The following FEZ2 variants were observed in gnomAD, a reference collection of about 807,000 sequenced individuals.
FEZ2 encodes the protein fasciculation and elongation protein zeta-2.
Under a neutral mutation model 40.4 loss-of-function variants are expected in FEZ2, and 51 were observed. The ratio of observed to expected loss-of-function variants is 1.26; its 90% CI spans 1.01 to 1.59. The LOEUF is 1.59. Among genes scored for constraint, FEZ2 ranks in the 40% most tolerant of loss-of-function variants. The pLI is 0.00. For missense variants in FEZ2, 640 were observed against 438.3 expected (o/e 1.46, Z -4.11); for synonymous variants, 242 against 172.0 (o/e 1.41, Z -3.18).
intron 4 of FEZ2, among the ~76,000 whole-genome samples, chr2:36,580,219 T>G (rs1258456879): frequency 6.6e-6 from 1 of 152,216 alleles, no homozygotes; most frequent in South Asian, 2.1e-4. Context: ...AGGACTGTAT[T>G]TGGGAGTCAG....
At chr2:36,581,651 T>C (rs1001160767) in intron 3 of FEZ2, 8 of 480,998 alleles carry the variant, frequency 1.7e-5, no homozygotes, top group Admixed American at 7.3e-5. Context: ...CAAACCTAAA[T>C]AGAATTGGAT....
chr2:36,563,325 A>G (rs901085809), intron 5 of FEZ2, among the ~76,000 whole-genome samples: 2 of 152,204 alleles, frequency 1.3e-5, no homozygotes, highest in Non-Finnish European at 2.9e-5. Context: ...AGGTAAAGTA[A>G]GGAATGCAGC....
At chr2:36,563,576 T>A (rs1668151135) in intron 5 of FEZ2, among the ~76,000 whole-genome samples, 1 of 150,618 alleles carries the variant, frequency 6.6e-6, no homozygotes, top group South Asian at 2.1e-4. Flanking sequence ...TATCAAACGC[T>A]TCAGTTGCAA....
chr2:36,597,872 C>T lies in FEZ2; in HGVS notation c.266+5G>A. 2 of 1,357,056 alleles carry T rather than the reference C, an allele frequency of 1.5e-6. No individual in the cohort carries two copies. The highest frequency in any genetic ancestry group is 1.9e-6 in the Non-Finnish European group (2 of 1,059,998). 84.1% of individuals were successfully genotyped at this position (1,357,056 alleles called of 1,614,324 possible). The stretch of plus-strand genomic sequence containing the variant: ...GCCCACTCCCGGCCGGGGCCCCGCA[C>T]TCACTCGTCCCCCTGCAGGAGGCTG... On this transcript the variant is annotated splice_donor_5th_base_variant and intron_variant, in intron 1 of 7. Transcript: ENST00000405912.
chr2:36,577,577 C>A (rs566819959), intron 5 of FEZ2, among the ~76,000 whole-genome samples: 3 of 152,112 alleles, frequency 2.0e-5, no homozygotes, highest in Non-Finnish European at 4.4e-5. Flanking sequence ...AAAATAGATA[C>A]AAATGAACAT....
At chr2:36,560,012 C>G (rs1312985750) in intron 5 of FEZ2, among the ~76,000 whole-genome samples, 1 of 152,228 alleles carries the variant, frequency 6.6e-6, no homozygotes, top group Non-Finnish European at 1.5e-5. Context: ...AAACTTCCTA[C>G]AAGCTACATT....
Position 36,597,987 on chromosome 2 carries a change from G to A in FEZ2, c.156C>T (p.Cys52=), listed in dbSNP as rs1244956342. Residue 52 remains cysteine, a synonymous_variant, in exon 1 of 8, where the codon TGC becomes TGT. Coordinates refer to ENST00000405912, the MANE Select transcript of FEZ2 (RefSeq NM_005102.3). ...ACAGGCTCAGCTTCTCCTCCAAGCTGCAGGCCGGGGCCGGGAAACCGTCGG... is the reference window on the plus strand; with the variant it reads ...ACAGGCTCAGCTTCTCCTCCAAGCTACAGGCCGGGGCCGGGAAACCGTCGG... ...GGADGFPAPA[C]SLEEKLSLCF... The A allele has an allele frequency of 2.0e-6, 3 of 1,494,268 alleles. No homozygotes were observed. The highest frequency in any genetic ancestry group is 2.8e-5 in the East Asian group (1 of 35,198). 92.6% of individuals were successfully genotyped at this position (1,494,268 alleles called of 1,614,324 possible). A position where few individuals can be genotyped will look rare whatever the true frequency, so the allele number is the denominator to read the frequency against.
At chr2:36,555,093 ACTC>A (rs756763043) in intron 7 of FEZ2, among the ~76,000 whole-genome samples, 2 of 150,700 alleles carry the variant, frequency 1.3e-5, no homozygotes, top group Non-Finnish European at 3.0e-5. Context: ...TCAACCTCTC[ACTC>A]TTCTTTTGCC....
intron 3 of FEZ2, 139 bp downstream of exon 3, chr2:36,583,214 G>C (rs1668802724): frequency 3.6e-6 from 2 of 551,436 alleles, no homozygotes; most frequent in Admixed American, 3.3e-5. Flanking sequence ...CTGTGGAAGA[G>C]TTAACTATTA....
chr2:36,573,499 T>C (rs1371975308), intron 5 of FEZ2, among the ~76,000 whole-genome samples: 2 of 152,230 alleles, frequency 1.3e-5, no homozygotes, highest in Non-Finnish European at 2.9e-5. Flanking sequence ...ATAATTCAAA[T>C]ACTACAAATC....
intron 2 of FEZ2, among the ~76,000 whole-genome samples, chr2:36,589,111 CT>C (rs1396093101): frequency 6.6e-6 from 1 of 152,184 alleles, no homozygotes; most frequent in African/African-American, 2.4e-5. Flanking sequence ...AAAAAGGTAT[CT>C]TCAAACTTAC....
chr2:36,580,538 T>C (rs1389764536), intron 4 of FEZ2, among the ~76,000 whole-genome samples: 5 of 152,202 alleles, frequency 3.3e-5, no homozygotes, highest in Non-Finnish European at 5.9e-5. Flanking sequence ...TTCATGAAAA[T>C]CAACTGTAGA....
chr2:36,559,031 C>G (rs899898205), intron 5 of FEZ2: 1 of 152,164 alleles, frequency 6.6e-6, no homozygotes, highest in Non-Finnish European at 1.5e-5. Flanking sequence ...TAGCTTCTTT[C>G]AGAAGCTAAC....
At chr2:36,570,919 C>T (rs1668390955) in intron 5 of FEZ2, among the ~76,000 whole-genome samples, 1 of 152,180 alleles carries the variant, frequency 6.6e-6, no homozygotes, top group South Asian at 2.1e-4. Context: ...AATTTCCTGG[C>T]ACATTACAGC....
At chr2:36,596,656 C>A (rs951959000) in intron 1 of FEZ2, among the ~76,000 whole-genome samples, 4 of 152,082 alleles carry the variant, frequency 2.6e-5, no homozygotes, top group African/African-American at 7.2e-5. Context: ...TTTGTAAAGA[C>A]CAGATTTCAC....
intron 2 of FEZ2, among the ~76,000 whole-genome samples, chr2:36,587,989 G>A (rs1485571135): frequency 2.0e-5 from 3 of 151,872 alleles, no homozygotes; most frequent in East Asian, 1.9e-4. Flanking sequence ...GAATGATCAC[G>A]TGTTCACTTT....
At chr2:36,559,934 C>T (rs1330743859) in intron 5 of FEZ2, among the ~76,000 whole-genome samples, 2 of 152,224 alleles carry the variant, frequency 1.3e-5, no homozygotes, top group Non-Finnish European at 2.9e-5. Flanking sequence ...GAATGATCTC[C>T]CTTCCGGAGA....
intron 5 of FEZ2, among the ~76,000 whole-genome samples, chr2:36,571,417 T>C (rs1668406391): frequency 6.6e-6 from 1 of 152,110 alleles, no homozygotes; most frequent in African/African-American, 2.4e-5. Context: ...TCCCAGCACT[T>C]TGGGAGGCCG....
intron 1 of FEZ2, among the ~76,000 whole-genome samples, chr2:36,594,777 T>C (rs1350232169): frequency 6.6e-6 from 1 of 152,190 alleles, no homozygotes; most frequent in Non-Finnish European, 1.5e-5. Flanking sequence ...GTTTGCTTTG[T>C]CTGCTGATTT....
Sources: gnomAD v4.1 joint callset for allele counts (sites outside exome capture counted in the v4.1 genomes callset) on GRCh38, gnomAD v4.1.1 for gene constraint, MANE v1.5 for transcripts, NCBI Gene and HGNC (gene_info 2026-07-23, HGNC 2026-07-21) for gene names.